Variants in DMRT2 observed in about 807,000 individuals in gnomAD.
The protein encoded by DMRT2 is doublesex and mab-3 related transcription factor 2.
A neutral mutation model predicts 43.5 loss-of-function variants in DMRT2; 33 were observed. The observed-to-expected ratio is 0.76, with a 90% confidence interval of 0.58 to 1.01. DMRT2 has a LOEUF of 1.01. Among genes scored for constraint, DMRT2 ranks in the 50% least tolerant of loss-of-function variants. The pLI is 0.00. For missense variants in DMRT2, 1,064 were observed against 748.0 expected, an observed-to-expected ratio of 1.42 and a Z score of -4.93; for synonymous variants, 395 against 309.2, an observed-to-expected ratio of 1.28 and a Z score of -2.91.
At chr9:1,053,879 T>G (rs1821787187) in intron 3 of DMRT2, 55 bp downstream of exon 3, 3 of 1,408,684 alleles carry the variant, frequency 2.1e-6, no homozygotes. Context: ...TGACTCTCAT[T>G]AATCAGCACA....
chr9:1,057,335 C>CT lies in DMRT2; in HGVS notation c.*69dup, dbSNP rs921810793. ...CTTAGAGCATTATAGCCATTTGCTA[C>CT]TTTTTTTAAAAGTTAAGATGTTTGT... On this transcript the variant is annotated 3_prime_UTR_variant, in exon 4 of 4. Coordinates refer to ENST00000358146, the MANE Select transcript of DMRT2 (RefSeq NM_181872.6). 4.2e-5 allele frequency: 62 copies of CT among 1,479,476 alleles called. No individual in the cohort carries two copies. The highest frequency in any genetic ancestry group is 3.6e-4 in the Middle Eastern group (2 of 5,516). The allele number at this position is 1,479,476 out of a possible 1,614,324, so 91.6% of individuals were successfully genotyped here.
chr9:1,051,446 A>G lies in DMRT2; in HGVS notation c.-44-124A>G, dbSNP rs1302964914. 2.0e-5 allele frequency: 23 copies of G among 1,143,286 alleles called. No individual in the cohort carries two copies. The highest frequency in any genetic ancestry group is 2.7e-5 in the Non-Finnish European group (23 of 865,080). 70.8% of individuals were successfully genotyped at this position (1,143,286 alleles called of 1,614,324 possible). On this transcript the variant is annotated intron_variant, in intron 1 of 3. Coordinates refer to ENST00000358146, the MANE Select transcript of DMRT2 (RefSeq NM_181872.6). This position sits in a 1 kb window ranked among gnomAD's most constrained non-coding sequence, Gnocchi z 5.9. ...CACGTGTGGCCTGGAAGTGAGGGAC[A>G]TGTAATGAGAACAGGATGACTCAAG...
At chr9:1,050,820 C>A (rs1358354092) in intron 1 of DMRT2, 45 bp downstream of exon 1, 1 of 152,338 alleles carries the variant, frequency 6.6e-6, no homozygotes, top group Non-Finnish European at 1.5e-5. Context: ...GGGCAAAGGG[C>A]GTGAATCATC....
rs764593509 is a variant in DMRT2, at chr9:1,056,879, C to T, written c.1292C>T (p.Pro431Leu). ...GTCCCAGAGAGGTCCGCGTTCTCCCCACCCCGACGGAATTTCTCTCCCATT... is the reference window on the plus strand; with the variant it reads ...GTCCCAGAGAGGTCCGCGTTCTCCCTACCCCGACGGAATTTCTCTCCCATT... ...QAVPERSAFSPPRRNFSPIVD... is the reference protein window; with the variant it reads ...QAVPERSAFSLPRRNFSPIVD... Residue 431 changes from proline to leucine, a missense_variant, in exon 4 of 4, where the codon CCA becomes CTA. Physicochemically the swap from Pro to Leu is moderately conservative, Grantham distance 98 (BLOSUM62 -3). Transcript: ENST00000358146. The T allele has an allele frequency of 1.2e-6, 2 of 1,614,150 alleles. No homozygotes were observed. Among genetic ancestry groups the T allele is most frequent in the East Asian group, 2.2e-5 (1 of 44,884 alleles).
chr9:1,052,070 C>A lies in DMRT2; in HGVS notation c.457C>A (p.Leu153Met). The change falls in exon 2 of 4, where the codon CTG (leucine) becomes ATG (methionine). Residue 153 changes from leucine to methionine, a missense_variant. By Grantham distance (15) the Leu-to-Met change is conservative. Transcript: ENST00000358146. The part of the protein sequence containing the change: ...RWRDCQCANC[L>M]LVVERQRVMA... ...GCGCGACTGCCAGTGCGCCAACTGC[C>A]TGCTGGTGGTGGAGCGGCAGCGCGT... 6.8e-7 allele frequency: 1 copy of A among 1,465,206 alleles called. No homozygotes were observed. The highest frequency in any genetic ancestry group is 2.4e-5 in the Admixed American group (1 of 41,348). The allele number at this position is 1,465,206 out of a possible 1,614,324, so 90.8% of individuals were successfully genotyped here.
In DMRT2 at chr9:1,051,805, C is replaced by T. The variant is rs749640485; in HGVS notation, c.192C>T (p.Asp64=). The change falls in exon 2 of 4, where the codon GAC becomes GAT. Residue 64 remains aspartate, a synonymous_variant. Coordinates refer to ENST00000358146, the MANE Select transcript of DMRT2 (RefSeq NM_181872.6). This position sits in a 1 kb window ranked among gnomAD's most constrained non-coding sequence, Gnocchi z 5.9. ...GVDEDAEEEG[D]GEEAGASPGM... ...ACGAAGACGCGGAAGAAGAGGGCGA[C>T]GGCGAGGAGGCAGGCGCGTCCCCCG... 1 of 1,495,174 alleles carries T rather than the reference C, an allele frequency of 6.7e-7. No individual in the cohort carries two copies. Among genetic ancestry groups the T allele is most frequent in the Admixed American group, 2.3e-5 (1 of 44,188 alleles). 92.6% of individuals were successfully genotyped at this position (1,495,174 alleles called of 1,614,324 possible).
chr9:1,052,087 G>C lies in DMRT2; in HGVS notation c.474G>C (p.Arg158=). Residue 158 remains arginine, a synonymous_variant, in exon 2 of 4, where the codon CGG becomes CGC. Transcript: ENST00000358146. ...QCANCLLVVE[R]QRVMAAQVAL... is the part of the protein sequence containing the mutation. The stretch of plus-strand genomic sequence containing the variant: ...CCAACTGCCTGCTGGTGGTGGAGCG[G>C]CAGCGCGTCATGGCCGCCCAGGTGG... 1.4e-6 allele frequency: 2 copies of C among 1,454,416 alleles called. No homozygotes were observed. The highest frequency in any genetic ancestry group is 9.0e-7 in the Non-Finnish European group (1 of 1,109,322). The allele number at this position is 1,454,416 out of a possible 1,614,324, so 90.1% of individuals were successfully genotyped here. A position where few individuals can be genotyped will look rare whatever the true frequency, so the allele number is the denominator to read the frequency against.
rs1268778618 is a variant in DMRT2 at position 1,057,119 on chromosome 9, A to G, written c.1532A>G (p.Asn511Ser). 16 of 1,614,060 alleles carry G rather than the reference A, an allele frequency of 9.9e-6. No individual in the cohort carries two copies. Among genetic ancestry groups the G allele is most frequent in the Non-Finnish European group, 1.4e-5 (16 of 1,180,050 alleles). ...KKHRECLVKD[N>S]QKYTFTIDRC... is the part of the protein sequence containing the mutation. ...CACAGAGAGTGTTTAGTTAAGGACA[A>G]CCAGAAGTACACATTTACAATAGAT... Residue 511 changes from asparagine to serine, a missense_variant, in exon 4 of 4, where the codon AAC becomes AGC. Physicochemically the swap from Asn to Ser is conservative, Grantham distance 46. Transcript: ENST00000358146.
chr9:1,055,233 T>G (rs183881925), intron 3 of DMRT2, among the ~76,000 whole-genome samples: 2 of 152,286 alleles, frequency 1.3e-5, no homozygotes, highest in Admixed American at 6.5e-5. Context: ...GTATAATGGG[T>G]TTGTCACTAT....
Position 1,053,815 on chromosome 9 carries a change from A to G in DMRT2, c.619A>G (p.Ile207Val), listed in dbSNP as rs1821782071. 1.9e-6 allele frequency: 3 copies of G among 1,613,980 alleles called. No homozygotes were observed. Among genetic ancestry groups the G allele is most frequent in the Middle Eastern group, 1.6e-4 (1 of 6,082 alleles). The change falls in exon 3 of 4, where the codon ATT becomes GTT. Residue 207 changes from isoleucine (I) to valine (V), a missense_variant. Coordinates refer to ENST00000358146, the MANE Select transcript of DMRT2 (RefSeq NM_181872.6). ...VRAPSLLAKS[I>V]LEGYRPIPAE... Reference sequence around the variant, plus strand: ...AGCCCCCAGTTTGCTGGCCAAAAGCATTTTAGAAGGTAAAGCAACAAAATT... The same window carrying G: ...AGCCCCCAGTTTGCTGGCCAAAAGCGTTTTAGAAGGTAAAGCAACAAAATT...
intron 2 of DMRT2, among the ~76,000 whole-genome samples, chr9:1,052,579 G>T (rs1489584169): frequency 6.6e-6 from 1 of 152,012 alleles, no homozygotes; most frequent in Non-Finnish European, 1.5e-5. Context: ...CATGCGCTCG[G>T]TGCTTCAGCT....
At chr9:1,052,226 G>T (rs1018788028) in intron 2 of DMRT2, 88 bp downstream of exon 2, 4 of 1,123,488 alleles carry the variant, frequency 3.6e-6, no homozygotes, top group Non-Finnish European at 3.5e-6. Context: ...CACCCCCCGC[G>T]CCCAGGGCCT....
rs771650790 is a variant in DMRT2 at position 1,057,257 on chromosome 9, C to T, written c.1670C>T (p.Thr557Ile). 1.2e-6 allele frequency: 2 copies of T among 1,610,132 alleles called. No homozygotes were observed. Among genetic ancestry groups the T allele is most frequent in the Non-Finnish European group, 1.7e-6 (2 of 1,178,412 alleles). The change falls in exon 4 of 4, where the codon ACT (threonine) becomes ATT (isoleucine). Residue 557 changes from threonine (T) to isoleucine (I), a missense_variant. By Grantham distance (89) the Thr-to-Ile change is moderately conservative (BLOSUM62 -1). Transcript: ENST00000358146. ...CTTAAGAGGCCTTCATCTGCCATCA[C>T]TCGTGTCTCTCAGTGAAAGGCTGCT... is the stretch of plus-strand genomic sequence containing the variant. Reference protein sequence around the residue: ...SILKRPSSAITRVSQ With the variant: ...SILKRPSSAIIRVSQ
At chr9:1,053,157 A>G (rs991800642) in intron 2 of DMRT2, 4 of 152,528 alleles carry the variant, frequency 2.6e-5, no homozygotes, top group African/African-American at 9.6e-5. Flanking sequence ...CTGGTGGGAT[A>G]GGTGACTGCA....
In DMRT2 at chr9:1,057,391, T is replaced by G. The variant is rs1281647414; in HGVS notation, c.*118T>G. 8.7e-7 allele frequency: 1 copy of G among 1,151,414 alleles called. No homozygotes were observed. The highest frequency in any genetic ancestry group is 1.2e-6 in the Non-Finnish European group (1 of 840,416). 71.3% of individuals were successfully genotyped at this position (1,151,414 alleles called of 1,614,324 possible). On this transcript the variant is annotated 3_prime_UTR_variant, in exon 4 of 4. Transcript: ENST00000358146. The stretch of plus-strand genomic sequence containing the variant: ...GAAATTTCTAATGTAAAGATGATGA[T>G]TTTGAAAAATTTTATATATTCCTAA...
At position 1,057,040 on chromosome 9, in the gene DMRT2, C is replaced by T; in HGVS notation, c.1453C>T (p.Pro485Ser). The T allele has an allele frequency of 6.2e-7, 1 of 1,614,174 alleles. No individual in the cohort carries two copies. The highest frequency in any genetic ancestry group is 8.5e-7 in the Non-Finnish European group (1 of 1,180,034). Residue 485 changes from proline to serine, a missense_variant, in exon 4 of 4, where the codon CCT (proline) becomes TCT (serine). Physicochemically the swap from Pro to Ser is moderately conservative, Grantham distance 74 (BLOSUM62 -1). Coordinates refer to ENST00000358146, the MANE Select transcript of DMRT2 (RefSeq NM_181872.6). ...FQQTLTDKSG[P>S]ELKTPFVKEA... ...GCAAACACTTACTGACAAATCGGGT[C>T]CTGAGTTGAAAACACCATTTGTCAA...
chr9:1,050,406 GAT>G lies in DMRT2; in HGVS notation c.-413_-412del, dbSNP rs1821484713. Reference sequence around the variant, plus strand: ...GCGCGCGCCCGCCGGGTGAGCCAGCGATCTGAGCCAGGCGGGGGCGGCCCGAC... The same window carrying G: ...GCGCGCGCCCGCCGGGTGAGCCAGCGCTGAGCCAGGCGGGGGCGGCCCGAC... On this transcript the variant is annotated 5_prime_UTR_variant, in exon 1 of 4. Transcript: ENST00000358146. The G allele has an allele frequency of 1.3e-5, 2 of 152,248 alleles. No homozygotes were observed. The highest frequency in any genetic ancestry group is 4.8e-5 in the African/African-American group (2 of 41,460). The allele number at this position is 152,248 out of a possible 1,614,324, so 9.4% of individuals were successfully genotyped here. A position where few individuals can be genotyped will look rare whatever the true frequency, so the allele number is the denominator to read the frequency against.
chr9:1,056,247 A>G lies in DMRT2; in HGVS notation c.660A>G (p.Val220=). 2 of 1,613,512 alleles carry G rather than the reference A, an allele frequency of 1.2e-6. No individual in the cohort carries two copies. The highest frequency in any genetic ancestry group is 1.1e-5 in the South Asian group (1 of 91,048). Residue 220 remains valine, a synonymous_variant, in exon 4 of 4, where the codon GTA becomes GTG. Transcript: ENST00000358146. ...GCCCCATTCCAGCGGAGACTTATGTAGGAGGGACCTTCCCTCTACCTCCCC... is the reference window on the plus strand; with the variant it reads ...GCCCCATTCCAGCGGAGACTTATGTGGGAGGGACCTTCCCTCTACCTCCCC... ...GYRPIPAETY[V]GGTFPLPPPV...
In DMRT2 at chr9:1,057,144, T is replaced by G; in HGVS notation, c.1557T>G (p.Asp519Glu). 6.2e-7 allele frequency: 1 copy of G among 1,613,982 alleles called. No individual in the cohort carries two copies. The highest frequency in any genetic ancestry group is 8.5e-7 in the Non-Finnish European group (1 of 1,180,002). Residue 519 changes from aspartate to glutamate, a missense_variant, in exon 4 of 4, where the codon GAT (aspartate) becomes GAG (glutamate). By Grantham distance (45) the Asp-to-Glu change is conservative. Transcript: ENST00000358146. ...ACCAGAAGTACACATTTACAATAGA[T>G]AGATGTGCAAAAGACCTTTTTGTAG... ...KDNQKYTFTI[D>E]RCAKDLFVAK... is the part of the protein sequence containing the mutation.
Sources: gnomAD v4.1 joint callset for allele counts (sites outside exome capture counted in the v4.1 genomes callset) on GRCh38, gnomAD v4.1.1 for gene constraint, Gnocchi (gnomAD v3.1) non-coding constraint, MANE v1.5 for transcripts, NCBI Gene and HGNC (gene_info 2026-07-23, HGNC 2026-07-21) for gene names.